Variants in PPFIBP2 observed in about 807,000 individuals in gnomAD.
PPFIBP2 encodes PPFIB scaffold protein 2.
In PPFIBP2, 118 loss-of-function variants were observed where a neutral mutation model predicts 118.3. The observed-to-expected ratio is 1.00, with a 90% CI of 0.86 to 1.16. The LOEUF is 1.16. Among genes scored for constraint, PPFIBP2 ranks in the 50% most tolerant of loss-of-function variants. The probability of loss-of-function intolerance (pLI) is 0.00; values close to 1 mark genes in which losing one functional copy is unlikely to be tolerated. For synonymous variants in PPFIBP2, 414 were observed against 397.4 expected (o/e 1.04, Z -0.50); for missense variants, 1,195 against 1,073.1 (o/e 1.11, Z -1.59).
chr11:7,605,111 GA>G (rs1765201340), intron 5 of PPFIBP2, among the ~76,000 whole-genome samples: 1 of 152,226 alleles, frequency 6.6e-6, no homozygotes, highest in Non-Finnish European at 1.5e-5. Context: ...GAAGTATTCT[GA>G]ACTAGGGAAC....
intron 2 of PPFIBP2, among the ~76,000 whole-genome samples, chr11:7,555,677 T>G (rs73409060): frequency 0.025 from 3,747 of 152,280 alleles, 150 homozygotes; most frequent in African/African-American, 0.085. Flanking sequence ...AAGACTGCCC[T>G]TTGTATGAAG....
At chr11:7,592,902 T>C (rs1039559437) in intron 3 of PPFIBP2, among the ~76,000 whole-genome samples, 1 of 152,164 alleles carries the variant, frequency 6.6e-6, no homozygotes, top group Non-Finnish European at 1.5e-5. Flanking sequence ...AGTGAGGTCA[T>C]CCAGGAGGTG....
At chr11:7,641,665 C>G in intron 16 of PPFIBP2, 45 bp downstream of exon 16, 1 of 1,594,240 alleles carries the variant, frequency 6.3e-7, no homozygotes, top group African/African-American at 1.3e-5. Context: ...TAGAATTTTT[C>G]TTTTTGATTG....
At chr11:7,656,843 C>A, downstream of PPFIBP2, 1 of 1,273,856 alleles carries the variant, frequency 7.9e-7, no homozygotes, top group Non-Finnish European at 1.0e-6. Context: ...GTGGGGGCCC[C>A]GGAGCCTTTG....
At chr11:7,578,526 A>G (rs34031087) in intron 3 of PPFIBP2, among the ~76,000 whole-genome samples, 29,568 of 152,164 alleles carry the variant, frequency 0.19, 2,989 homozygotes, top group East Asian at 0.27. Flanking sequence ...GCACTCATTC[A>G]GCAAATCTGT....
At chr11:7,605,935 A>G in intron 5 of PPFIBP2, 1 of 1,529,444 alleles carries the variant, frequency 6.5e-7, no homozygotes, top group Non-Finnish European at 8.7e-7. Context: ...AGGTCAAAGA[A>G]TGTGAAGCCA....
the PPFIBP2 span, chr11:7,665,083 A>C: frequency 4.3e-6 from 1 of 229,896 alleles, no homozygotes; most frequent in Non-Finnish European, 8.5e-6. Flanking sequence ...TCCCCCACAG[A>C]GCCACACTTC....
At position 7,653,305 on chromosome 11, in the gene PPFIBP2, G is replaced by A. The variant is rs755127643; in HGVS notation, c.*87G>A. On this transcript the variant is annotated 3_prime_UTR_variant, in exon 24 of 24. Coordinates refer to ENST00000299492, the MANE Select transcript of PPFIBP2 (RefSeq NM_003621.5). ...ATATAACTGCACCTCACCCCCGCACGTGTGCATGACTCGCAGAGAATATTC... is the reference window on the plus strand; with the variant it reads ...ATATAACTGCACCTCACCCCCGCACATGTGCATGACTCGCAGAGAATATTC... 7.0e-6 allele frequency: 11 copies of A among 1,574,452 alleles called. No individual in the cohort carries two copies. The highest frequency in any genetic ancestry group is 1.8e-5 in the Admixed American group (1 of 55,808).
chr11:7,569,385 A>G (rs1005963966), intron 3 of PPFIBP2, among the ~76,000 whole-genome samples: 1 of 152,216 alleles, frequency 6.6e-6, no homozygotes, highest in African/African-American at 2.4e-5. Context: ...CACTGGGTTA[A>G]GTGAGTTTCC....
chr11:7,539,447 T>C (rs985405545), intron 1 of PPFIBP2: 3 of 152,526 alleles, frequency 2.0e-5, no homozygotes, highest in East Asian at 1.9e-4. Flanking sequence ...CTGGATGTTA[T>C]AGGACCTGTG....
intron 6 of PPFIBP2, among the ~76,000 whole-genome samples, chr11:7,615,814 G>A (rs975704017): frequency 1.3e-5 from 2 of 152,166 alleles, no homozygotes; most frequent in African/African-American, 4.8e-5. Context: ...GAAAAACTAG[G>A]CATAAACAGA....
chr11:7,519,746 G>A (rs1849568156), intron 1 of PPFIBP2, among the ~76,000 whole-genome samples: 1 of 152,146 alleles, frequency 6.6e-6, no homozygotes, highest in Admixed American at 6.5e-5. Context: ...TTTCATTCCT[G>A]GAACGGGATC....
At chr11:7,633,021 G>C in intron 12 of PPFIBP2, 87 bp downstream of exon 12, 1 of 1,237,512 alleles carries the variant, frequency 8.1e-7, no homozygotes, top group Non-Finnish European at 1.2e-6. Flanking sequence ...ACCGTGAATG[G>C]TGAGCATGGC....
chr11:7,515,596 C>G (rs1230438634), intron 1 of PPFIBP2, among the ~76,000 whole-genome samples: 3 of 152,162 alleles, frequency 2.0e-5, no homozygotes, highest in African/African-American at 7.2e-5. Flanking sequence ...TGGGCTGTGA[C>G]AACTGTGTGG....
intron 2 of PPFIBP2, among the ~76,000 whole-genome samples, chr11:7,551,311 C>T (rs1326453419): frequency 5.9e-5 from 9 of 152,218 alleles, no homozygotes; most frequent in East Asian, 3.9e-4. Flanking sequence ...GGAGACTGAG[C>T]GAGTCCCTGG....
chr11:7,514,994 T>C (rs1849111750), intron 1 of PPFIBP2, among the ~76,000 whole-genome samples: 1 of 152,252 alleles, frequency 6.6e-6, no homozygotes, highest in Non-Finnish European at 1.5e-5. Flanking sequence ...AATACAAATC[T>C]GAAGTGTTTT....
chr11:7,632,683 CT>C (rs1166334225), intron 11 of PPFIBP2, 183 bp from the exon 12 acceptor site: 1 of 535,432 alleles, frequency 1.9e-6, no homozygotes, highest in Non-Finnish European at 3.4e-6. Flanking sequence ...CCCAGATGGA[CT>C]GATAAGCCTA....
rs565342528 is a variant in PPFIBP2 at position 7,539,310 on chromosome 11, G to GT, written c.-36-10129dup. 1.3e-4 allele frequency: 20 copies of GT among 152,512 alleles called. No individual in the cohort carries two copies. The East Asian group carries it at 3.9e-3, about 29-fold the overall frequency. 9.4% of individuals were successfully genotyped at this position (152,512 alleles called of 1,614,324 possible). A position where few individuals can be genotyped will look rare whatever the true frequency, so the allele number is the denominator to read the frequency against. On this transcript the variant is annotated intron_variant, in intron 1 of 23. Coordinates refer to ENST00000299492, the MANE Select transcript of PPFIBP2 (RefSeq NM_003621.5). ...GAGGGAAATTTAGCACAATGGCCTT[G>GT]TCCCTCATTGTGATATAAAGCCAGT...
At chr11:7,521,998 T>C (rs1849800460) in intron 1 of PPFIBP2, among the ~76,000 whole-genome samples, 1 of 152,110 alleles carries the variant, frequency 6.6e-6, no homozygotes, top group Non-Finnish European at 1.5e-5. Flanking sequence ...ATAATTTAAA[T>C]TTTATTCTGA....
Sources: allele counts gnomAD v4.1 joint callset (sites outside exome capture counted in the v4.1 genomes callset), GRCh38; gene constraint gnomAD v4.1.1; transcripts MANE v1.5; gene names NCBI Gene and HGNC (gene_info 2026-07-23, HGNC 2026-07-21).